SEMA6C: variants seen among roughly 807,000 people sequenced by gnomAD.
SEMA6C encodes the protein semaphorin 6C.
A neutral mutation model predicts 72.9 loss-of-function variants in SEMA6C; 37 were observed. The observed-to-expected ratio is 0.51, with a 90% CI of 0.39 to 0.67. SEMA6C has a LOEUF of 0.67. SEMA6C is among the 30% of genes least tolerant of loss of function. SEMA6C has a pLI of 0.00. For missense variants in SEMA6C, 1,189 were observed against 1,263.6 expected (o/e 0.94, Z 0.89); for synonymous variants, 578 against 554.1 (o/e 1.04, Z -0.61).
chr1:151,134,222 G>A, intron 18 of SEMA6C, 179 bp downstream of exon 18: 1 of 758,540 alleles, frequency 1.3e-6, no homozygotes, highest in Non-Finnish European at 2.2e-6. Context: ...TGATTTATTT[G>A]TTCAAAAAGT....
rs745830929 is a variant in SEMA6C at position 151,138,640 on chromosome 1, C to G, written c.446G>C (p.Arg149Pro). Residue 149 changes from arginine to proline, a missense_variant, in exon 7 of 19, where the codon CGC (arginine) becomes CCC (proline). Around this residue, in one of 2 missense-constraint regions of SEMA6C, gnomAD observed 468 missense variants for 577.4 expected, o/e 0.81. Transcript: ENST00000368914. ...CGTNSFSPVC[R>P]SYGITSLQQE... ...CCCTCTCTTTTGTACCCCATAGCTG[C>G]GGCACACAGGGCTGAATGAGTTCGT... 3.1e-6 allele frequency: 5 copies of G among 1,613,634 alleles called. No individual in the cohort carries two copies. Among genetic ancestry groups the G allele is most frequent in the Non-Finnish European group, 3.4e-6 (4 of 1,179,512 alleles).
At position 151,133,777 on chromosome 1, in the gene SEMA6C, C is replaced by A. The variant is rs1053381383; in HGVS notation, c.1760-260G>T. ...CCACTTCTGGCCCCTGTAGCCATGCCAAGAGCAACTGCCAAAAACTGCTCG... is the reference window on the plus strand; with the variant it reads ...CCACTTCTGGCCCCTGTAGCCATGCAAAGAGCAACTGCCAAAAACTGCTCG... On this transcript the variant is annotated intron_variant, in intron 18 of 18. Coordinates refer to ENST00000368914, the MANE Select transcript of SEMA6C (RefSeq NM_030913.6). This position sits in a 1 kb window ranked among gnomAD's most constrained non-coding sequence, Gnocchi z 5.9. 6.6e-6 allele frequency among the ~76,000 whole-genome samples: 1 copy of A among 152,320 alleles called. No individual in the cohort carries two copies. Among genetic ancestry groups the A allele is most frequent in the East Asian group, 1.9e-4 (1 of 5,178 alleles).
intron 3 of SEMA6C, 99 bp from the exon 4 acceptor site, chr1:151,140,189 G>A (rs935924269): frequency 1.1e-6 from 1 of 937,106 alleles, no homozygotes; most frequent in Admixed American, 2.0e-5. Flanking sequence ...GTGGATGTGT[G>A]AGGTTAGAGT....
At chr1:151,142,413 TG>T in intron 3 of SEMA6C, 90 bp downstream of exon 3, 2 of 1,491,086 alleles carry the variant, frequency 1.3e-6, no homozygotes, top group South Asian at 2.3e-5. Context: ...TTCCTGAGGC[TG>T]GGAGCCTTCC....
At chr1:151,135,988 G>C (rs754596626) in intron 13 of SEMA6C, 23 bp downstream of exon 13, 2 of 1,613,920 alleles carry the variant, frequency 1.2e-6, no homozygotes. Flanking sequence ...GGAGGCAGTG[G>C]TCAGTGTTTT....
Position 151,142,532 on chromosome 1 carries a change from G to A in SEMA6C, c.90C>T (p.Pro30=). Residue 30 remains proline, a synonymous_variant, in exon 3 of 19, where the codon CCC becomes CCT. Transcript: ENST00000368914. ...GAAGGTCAGAGATCAACAGAGGGAG[G>A]GGGTCCTGGGGAAAGGCGGCCTGAG... ...PHTQAAFPQD[P]LPLLISDLQG... is the part of the protein sequence containing the mutation. The A allele has an allele frequency of 6.2e-7, 1 of 1,613,186 alleles. No individual in the cohort carries two copies. Among genetic ancestry groups the A allele is most frequent in the Non-Finnish European group, 8.5e-7 (1 of 1,179,712 alleles).
intron 5 of SEMA6C, 33 bp downstream of exon 5, chr1:151,139,605 C>T (rs1682360170): frequency 1.2e-6 from 2 of 1,605,996 alleles, no homozygotes; most frequent in Middle Eastern, 1.7e-4. Flanking sequence ...GCCTCATCTC[C>T]ACGTCTGCAC....
Position 151,139,968 on chromosome 1 carries a change from C to T in SEMA6C, c.233+8G>A, listed in dbSNP as rs775255541. 1.9e-6 allele frequency: 3 copies of T among 1,612,676 alleles called. No individual in the cohort carries two copies. In the African/African-American group the frequency reaches 4.0e-5, roughly 22 times the overall value. On this transcript the variant is annotated splice_region_variant and intron_variant, in intron 4 of 18. Coordinates refer to ENST00000368914, the MANE Select transcript of SEMA6C (RefSeq NM_030913.6). The stretch of plus-strand genomic sequence containing the variant: ...GTCTGCCCCACAACTGTGCCACGGC[C>T]AGTTTACCGGGCAGCCACTAGCAAG...
intron 18 of SEMA6C, chr1:151,134,165 C>T: frequency 1.2e-6 from 1 of 843,584 alleles, no homozygotes; most frequent in South Asian, 1.8e-5. Flanking sequence ...AGAACGCCAG[C>T]CTCTAGTTTC....
At chr1:151,137,888 A>G in intron 9 of SEMA6C, 89 bp from the exon 10 acceptor site, 1 of 1,582,134 alleles carries the variant, frequency 6.3e-7, no homozygotes, top group Non-Finnish European at 8.6e-7. Flanking sequence ...CCCATTGCAT[A>G]CATACACACT....
chr1:151,139,927 G>T (rs2101638682), intron 4 of SEMA6C, 49 bp downstream of exon 4: 1 of 1,559,008 alleles, frequency 6.4e-7, no homozygotes, highest in Non-Finnish European at 8.8e-7. Context: ...TCCCAAGTCT[G>T]CCCAGGAGCA....
intron 8 of SEMA6C, 94 bp downstream of exon 8, chr1:151,138,222 C>T: frequency 6.3e-7 from 1 of 1,581,788 alleles, no homozygotes. Flanking sequence ...CAACCCTCCA[C>T]TCAGGGGAAT....
At chr1:151,136,271 CCA>C (rs1163716837) in intron 12 of SEMA6C, 108 bp from the exon 13 acceptor site, 15 of 1,511,288 alleles carry the variant, frequency 9.9e-6, no homozygotes, top group Non-Finnish European at 1.4e-5. Flanking sequence ...TGCTCCCCCT[CCA>C]CACAGACACT....
rs1681765303 is a variant in SEMA6C, at chr1:151,133,597, C to T, written c.1760-80G>A. The T allele has an allele frequency of 7.0e-7, 1 of 1,436,502 alleles. No individual in the cohort carries two copies. The highest frequency in any genetic ancestry group is 9.1e-7 in the Non-Finnish European group (1 of 1,100,054). The allele number at this position is 1,436,502 out of a possible 1,614,324, so 89.0% of individuals were successfully genotyped here. A position where few individuals can be genotyped will look rare whatever the true frequency, so the allele number is the denominator to read the frequency against. On this transcript the variant is annotated intron_variant, in intron 18 of 18. Transcript: ENST00000368914. This position sits in a 1 kb window ranked among gnomAD's most constrained non-coding sequence, Gnocchi z 5.9. ...CCTAGGCCCAGAGGCGCCGGCAGTT[C>T]CCAGGCCTGACATCATCGTCCCTCC... is the stretch of plus-strand genomic sequence containing the variant.
rs1255848959 is a variant in SEMA6C, at chr1:151,145,142, A to G, written c.-104-708T>C. On this transcript the variant is annotated intron_variant, in intron 1 of 18. Coordinates refer to ENST00000368914, the MANE Select transcript of SEMA6C (RefSeq NM_030913.6). The surrounding 1 kb of genome is among the most constrained non-coding windows in gnomAD (Gnocchi z 4.4). ...GAATCCGAGCTGCTTCACACACCCC[A>G]TCTGAAGCACATGGGAGAGACCTGG... The G allele has an allele frequency of 2.0e-5, 3 of 152,180 alleles. No individual in the cohort carries two copies. Among genetic ancestry groups the G allele is most frequent in the Non-Finnish European group, 4.4e-5 (3 of 68,072 alleles). The allele number at this position is 152,180 out of a possible 1,614,324, so 9.4% of individuals were successfully genotyped here. A position where few individuals can be genotyped will look rare whatever the true frequency, so the allele number is the denominator to read the frequency against.
Position 151,132,626 on chromosome 1 carries a change from A to G in SEMA6C, c.2651T>C (p.Leu884Pro). ...RYSGGPGKHL[L>P]YLGRPEGYRG... ...GTAGCCCTCGGGCCGGCCCAGGTAC[A>G]GGAGGTGCTTCCCGGGACCCCCGGA... Residue 884 changes from leucine to proline, a missense_variant, in exon 19 of 19, where the codon CTG (leucine) becomes CCG (proline). By Grantham distance (98) the Leu-to-Pro change is moderately conservative (BLOSUM62 -3). Coordinates refer to ENST00000368914, the MANE Select transcript of SEMA6C (RefSeq NM_030913.6). 1 of 1,550,894 alleles carries G rather than the reference A, an allele frequency of 6.4e-7. No individual in the cohort carries two copies. Among genetic ancestry groups the G allele is most frequent in the Non-Finnish European group, 8.7e-7 (1 of 1,147,064 alleles).
intron 18 of SEMA6C, 181 bp downstream of exon 18, chr1:151,134,220 T>G (rs1314918104): frequency 1.3e-6 from 1 of 760,844 alleles, no homozygotes. Flanking sequence ...ATTGATTTAT[T>G]TGTTCAAAAA....
chr1:151,138,876 T>C (rs1682281168), intron 6 of SEMA6C, 145 bp from the exon 7 acceptor site: 1 of 658,142 alleles, frequency 1.5e-6, no homozygotes. Flanking sequence ...GCAGGTTGCC[T>C]GAGTTCAGGA....
In SEMA6C at chr1:151,132,111, C is replaced by A; in HGVS notation, c.*373G>T. On this transcript the variant is annotated 3_prime_UTR_variant, in exon 19 of 19. Coordinates refer to ENST00000368914, the MANE Select transcript of SEMA6C (RefSeq NM_030913.6). ...CTCCTACACAGTAGGAGAGGCACGT[C>A]CCAGACCCAGAAGGCCCGAGGACTC... is the stretch of plus-strand genomic sequence containing the variant. 2.0e-6 allele frequency: 2 copies of A among 985,624 alleles called. No individual in the cohort carries two copies. Among genetic ancestry groups the A allele is most frequent in the Non-Finnish European group, 2.7e-6 (2 of 738,940 alleles). 61.1% of individuals were successfully genotyped at this position (985,624 alleles called of 1,614,324 possible). A position where few individuals can be genotyped will look rare whatever the true frequency, so the allele number is the denominator to read the frequency against.
Sources: allele counts gnomAD v4.1 joint callset (sites outside exome capture counted in the v4.1 genomes callset), GRCh38; gene constraint gnomAD v4.1.1; regional missense constraint gnomAD v4.1.1; non-coding constraint Gnocchi (gnomAD v3.1); transcripts MANE v1.5; gene names NCBI Gene and HGNC (gene_info 2026-07-23, HGNC 2026-07-21).